COL25A1: variants seen among roughly 807,000 people sequenced by gnomAD.
The protein encoded by COL25A1 is collagen alpha-1(XXV) chain.
COL25A1 carries 103 observed loss-of-function variants against 128.4 expected under a neutral mutation model. That is an observed-to-expected ratio of 0.80 (90% CI 0.68 to 0.94). The LOEUF is 0.94. Among genes scored for constraint, COL25A1 ranks in the 40% least tolerant of loss-of-function variants. The pLI, the probability that COL25A1 is intolerant of heterozygous loss-of-function variation, is 0.00. For synonymous variants in COL25A1, 279 were observed against 277.2 expected, an observed-to-expected ratio of 1.01 and a Z score of -0.06; for missense variants, 745 against 840.0, an observed-to-expected ratio of 0.89 and a Z score of 1.40.
rs1317970248 is a variant in COL25A1, at chr4:108,918,175, T to C, written c.777A>G (p.Gln259=). The change falls in exon 13 of 38, where the codon CAA becomes CAG. Residue 259 remains glutamine (Q), a synonymous_variant. Transcript: ENST00000399132. ...GAPGIPGMNG[Q]KGEPGLPGAV... ...TACAATATTCTATAGAACTCACCTT[T>C]TGCCCATTCATCCCTGGAATTCCAG... is the stretch of plus-strand genomic sequence containing the variant. 2 of 1,594,198 alleles carry C rather than the reference T, an allele frequency of 1.3e-6. No individual in the cohort carries two copies. The highest frequency in any genetic ancestry group is 1.7e-5 in the Admixed American group (1 of 58,684).
chr4:108,990,443 T>A (rs1754119059), intron 6 of COL25A1, among the ~76,000 whole-genome samples: 1 of 151,768 alleles, frequency 6.6e-6, no homozygotes. Context: ...AAGAAAATTA[T>A]ACATACCGTG....
At position 108,974,352 on chromosome 4, in the gene COL25A1, T is replaced by C. The variant is rs1264933368; in HGVS notation, c.492+15A>G. The C allele has an allele frequency of 6.2e-7, 1 of 1,613,724 alleles. No individual in the cohort carries two copies. Among genetic ancestry groups the C allele is most frequent in the Non-Finnish European group, 8.5e-7 (1 of 1,179,706 alleles). ...AAACTAATTTTCCGCCCAAGATAGG[T>C]AGAGCACAACTTACCCTAGGTCCCT... On this transcript the variant is annotated intron_variant, in intron 8 of 37. Transcript: ENST00000399132.
chr4:109,215,875 A>T (rs1034387059), intron 3 of COL25A1, among the ~76,000 whole-genome samples: 1 of 152,124 alleles, frequency 6.6e-6, no homozygotes, highest in Admixed American at 6.6e-5. Context: ...AATCTATATT[A>T]GCACCCCTCC....
chr4:109,295,012 C>A (rs1387417587), intron 3 of COL25A1, among the ~76,000 whole-genome samples: 2 of 152,026 alleles, frequency 1.3e-5, no homozygotes, highest in Non-Finnish European at 1.5e-5. Context: ...ACAAAGCAAT[C>A]AGAAGCACAG....
intron 3 of COL25A1, among the ~76,000 whole-genome samples, chr4:109,219,961 T>TTAA (rs144424891): frequency 0.086 from 13,131 of 152,218 alleles, 1,176 homozygotes; most frequent in African/African-American, 0.23. Context: ...GTATCTGTGC[T>TTAA]TAATGAGATG....
intron 8 of COL25A1, among the ~76,000 whole-genome samples, chr4:108,963,060 T>C (rs1212303864): frequency 1.3e-5 from 2 of 152,202 alleles, no homozygotes; most frequent in East Asian, 1.9e-4. Flanking sequence ...TAAATGACTT[T>C]CCAGAGACCC....
intron 3 of COL25A1, among the ~76,000 whole-genome samples, chr4:109,135,456 T>C (rs1769644155): frequency 1.3e-5 from 2 of 152,154 alleles, no homozygotes; most frequent in Admixed American, 6.5e-5. Flanking sequence ...GTCCCTATTT[T>C]CAATGCAAAA....
At chr4:109,101,992 T>G (rs535710989) in intron 3 of COL25A1, among the ~76,000 whole-genome samples, 45 of 152,308 alleles carry the variant, frequency 3.0e-4, no homozygotes, top group African/African-American at 1.1e-3. Context: ...ATACATCACA[T>G]GTATGTTTCT....
chr4:108,868,866 AAGAG>A (rs951226419), intron 20 of COL25A1, among the ~76,000 whole-genome samples: 3 of 148,124 alleles, frequency 2.0e-5, no homozygotes, highest in African/African-American at 5.0e-5. Flanking sequence ...AGAAGGAAGG[AAGAG>A]AGAGAGAGAA....
rs369508186 is a variant in COL25A1 at position 108,862,114 on chromosome 4, C to T, written c.1197+387G>A. ...AATTGGCAGTAGAATTTTAATGCAA[C>T]GAAGGGAGTCAACTAAAAAGCAGAG... On this transcript the variant is annotated intron_variant, in intron 22 of 37. Coordinates refer to ENST00000399132, the MANE Select transcript of COL25A1 (RefSeq NM_198721.4). Among the ~76,000 whole-genome samples, 334 of 152,020 alleles carry T rather than the reference C, an allele frequency of 2.2e-3. 1 individual carries two copies. Among genetic ancestry groups the T allele is most frequent in the African/African-American group, 7.5e-3 (313 of 41,458 alleles).
intron 8 of COL25A1, among the ~76,000 whole-genome samples, chr4:108,949,271 A>C (rs1236328546): frequency 6.6e-6 from 1 of 152,212 alleles, no homozygotes. Flanking sequence ...AATAGTTAAA[A>C]TAATAAATAA....
intron 6 of COL25A1, among the ~76,000 whole-genome samples, chr4:108,980,017 C>T (rs1358099932): frequency 6.6e-6 from 1 of 152,126 alleles, no homozygotes; most frequent in Non-Finnish European, 1.5e-5. Context: ...GAAAATACCA[C>T]TCTGTCAGAG....
chr4:108,901,047 A>G, intron 14 of COL25A1, 72 bp downstream of exon 14: 2 of 1,207,012 alleles, frequency 1.7e-6, no homozygotes, highest in Admixed American at 1.8e-5. Flanking sequence ...TAAAAATTGT[A>G]TTAAATAATA....
At chr4:109,159,042 G>A (rs1034438274) in intron 3 of COL25A1, among the ~76,000 whole-genome samples, 5 of 151,842 alleles carry the variant, frequency 3.3e-5, no homozygotes, top group African/African-American at 4.8e-5. Context: ...GTAGTAAGTG[G>A]AGCAATCCAT....
chr4:108,967,218 GTGAT>G (rs944089939), intron 8 of COL25A1, among the ~76,000 whole-genome samples: 1 of 152,194 alleles, frequency 6.6e-6, no homozygotes, highest in African/African-American at 2.4e-5. Context: ...ACATCATAGA[GTGAT>G]TGGCGTATTT....
At chr4:109,055,712 TG>T (rs1761392062) in intron 3 of COL25A1, among the ~76,000 whole-genome samples, 1 of 152,206 alleles carries the variant, frequency 6.6e-6, no homozygotes, top group African/African-American at 2.4e-5. Context: ...TGTTCATCCT[TG>T]TATCTCCAGC....
chr4:109,084,935 C>G (rs1409221054), intron 3 of COL25A1, among the ~76,000 whole-genome samples: 1 of 152,088 alleles, frequency 6.6e-6, no homozygotes, highest in Non-Finnish European at 1.5e-5. Context: ...ATTTTTATCC[C>G]TACAATTCCA....
Position 108,966,232 on chromosome 4 carries a change from T to A in COL25A1, c.492+8135A>T, listed in dbSNP as rs561508289. ...ATTCATTCACTTATGTTTTGGGGGGTATTACTATATGGCCATTCATCCATT... is the reference window on the plus strand; with the variant it reads ...ATTCATTCACTTATGTTTTGGGGGGAATTACTATATGGCCATTCATCCATT... On this transcript the variant is annotated intron_variant, in intron 8 of 37. Coordinates refer to ENST00000399132, the MANE Select transcript of COL25A1 (RefSeq NM_198721.4). Among the ~76,000 whole-genome samples the A allele has an allele frequency of 1.3e-4, 19 of 148,154 alleles. No individual in the cohort carries two copies. In the South Asian group the frequency reaches 4.1e-3, roughly 32 times the overall value.
At chr4:109,123,955 A>G (rs1179856628) in intron 3 of COL25A1, among the ~76,000 whole-genome samples, 1 of 152,104 alleles carries the variant, frequency 6.6e-6, no homozygotes, top group Non-Finnish European at 1.5e-5. Flanking sequence ...TAAAATCTAC[A>G]TGCTACTTCA....
Sources: allele counts gnomAD v4.1 joint callset (sites outside exome capture counted in the v4.1 genomes callset), GRCh38; gene constraint gnomAD v4.1.1; transcripts MANE v1.5; gene names NCBI Gene and HGNC (gene_info 2026-07-23, HGNC 2026-07-21).